ZNF23: variants seen among roughly 807,000 people sequenced by gnomAD.
The protein encoded by ZNF23 is zinc finger protein 23.
Under a neutral mutation model 56.2 loss-of-function variants are expected in ZNF23, and 48 were observed. The ratio of observed to expected loss-of-function variants is 0.85; its 90% CI spans 0.68 to 1.09. The LOEUF is 1.09. ZNF23 is among the 50% of genes least tolerant of loss of function. ZNF23 has a pLI of 0.00. For synonymous variants in ZNF23, 266 were observed against 283.3 expected (o/e 0.94, Z 0.61); for missense variants, 805 against 811.4 (o/e 0.99, Z 0.10).
rs143185002 is a variant in ZNF23 at position 71,448,924 on chromosome 16, T to C, written c.1230A>G (p.Lys410=). The C allele has an allele frequency of 1.1e-4, 180 of 1,613,864 alleles. No homozygotes were observed. The highest frequency in any genetic ancestry group is 1.4e-4 in the Non-Finnish European group (171 of 1,179,978). ...IHTGEKPYQC[K]ECGKGFNNNT... The stretch of plus-strand genomic sequence containing the variant: ...TATTATTGAAGCCTTTTCCACACTC[T>C]TTACACTGATAGGGCTTTTCTCCTG... The change falls in exon 5 of 5, where the codon AAA becomes AAG. Residue 410 remains lysine, a synonymous_variant. Coordinates refer to ENST00000647773, the MANE Select transcript of ZNF23 (RefSeq NM_001381984.1).
chr16:71,453,150 C>A, intron 4 of ZNF23, 93 bp downstream of exon 4: 2 of 849,192 alleles, frequency 2.4e-6, no homozygotes, highest in Non-Finnish European at 3.8e-6. Context: ...GTATGACTGG[C>A]CAATAAACAC....
Position 71,449,587 on chromosome 16 carries a change from C to G in ZNF23, c.567G>C (p.Gly189=). 2 of 1,614,098 alleles carry G rather than the reference C, an allele frequency of 1.2e-6. No individual in the cohort carries two copies. The highest frequency in any genetic ancestry group is 1.7e-6 in the Non-Finnish European group (2 of 1,180,034). The stretch of plus-strand genomic sequence containing the variant: ...GTTTTGTATCAAAGCTGATGGATTT[C>G]CCCAATCCTGTACACCCAGAGGGCT... ...GEQPSGCTGL[G]KSISFDTKLV... is the part of the protein sequence containing the mutation. Residue 189 remains glycine (G), a synonymous_variant, in exon 5 of 5, where the codon GGG becomes GGC. Transcript: ENST00000647773.
chr16:71,450,174 A>T (rs778134757), intron 4 of ZNF23: 6 of 243,636 alleles, frequency 2.5e-5, no homozygotes, highest in Non-Finnish European at 4.7e-5. Flanking sequence ...GTAAAGAAAA[A>T]TATAAAAGAC....
At chr16:71,450,833 C>T (rs2043035420) in intron 4 of ZNF23, 2 of 264,686 alleles carry the variant, frequency 7.6e-6, no homozygotes, top group Non-Finnish European at 1.5e-5. Context: ...CTTAGTTGTT[C>T]CTATAGCACT....
At chr16:71,459,232 C>T (rs1597004537) in intron 1 of ZNF23, among the ~76,000 whole-genome samples, 1 of 152,236 alleles carries the variant, frequency 6.6e-6, no homozygotes, top group South Asian at 2.1e-4. Context: ...AGTGCAGAGG[C>T]ATTAACACCT....
At chr16:71,450,830 G>T (rs1208554297) in intron 4 of ZNF23, 1 of 287,520 alleles carries the variant, frequency 3.5e-6, no homozygotes, top group African/African-American at 2.3e-5. Context: ...CTTCTTAGTT[G>T]TTCCTATAGC....
In ZNF23 at chr16:71,448,411, C is replaced by T. The variant is rs757070525; in HGVS notation, c.1743G>A (p.Glu581=). The part of the protein sequence containing the change: ...GEKPFKCMEC[E]KAFSCSSNYI... Reference sequence around the variant, plus strand: ...AGTTAGAACTACAGCTGAATGCTTTCTCACATTCCATACATTTGAAAGGTT... The same window carrying T: ...AGTTAGAACTACAGCTGAATGCTTTTTCACATTCCATACATTTGAAAGGTT... The change falls in exon 5 of 5, where the codon GAG becomes GAA. Residue 581 remains glutamate (E), a synonymous_variant. Coordinates refer to ENST00000647773, the MANE Select transcript of ZNF23 (RefSeq NM_001381984.1). 2 of 1,614,184 alleles carry T rather than the reference C, an allele frequency of 1.2e-6. No individual in the cohort carries two copies. Among genetic ancestry groups the T allele is most frequent in the Admixed American group, 1.7e-5 (1 of 60,034 alleles).
At chr16:71,457,915 C>T (rs966460004) in intron 1 of ZNF23, among the ~76,000 whole-genome samples, 4 of 152,272 alleles carry the variant, frequency 2.6e-5, no homozygotes, top group African/African-American at 9.6e-5. Context: ...GCTGCAGCCC[C>T]AGTACACAAG....
Position 71,449,153 on chromosome 16 carries a change from C to T in ZNF23, c.1001G>A (p.Cys334Tyr), listed in dbSNP as rs752950041. The T allele has an allele frequency of 6.2e-7, 1 of 1,614,142 alleles. No homozygotes were observed. Among genetic ancestry groups the T allele is most frequent in the Non-Finnish European group, 8.5e-7 (1 of 1,180,032 alleles). Residue 334 changes from cysteine to tyrosine, a missense_variant, in exon 5 of 5, where the codon TGT (cysteine) becomes TAT (tyrosine). Cys to Tyr is a radical substitution (Grantham distance 194). Transcript: ENST00000647773. Reference protein sequence around the residue: ...QCKECGNGFSCSSAYITHQRV... With the variant: ...QCKECGNGFSYSSAYITHQRV... The stretch of plus-strand genomic sequence containing the variant: ...CTGATGTGTAATATATGCAGAACTA[C>T]AGCTGAAGCCATTTCCACATTCCTT...
In ZNF23 at chr16:71,449,063, G is replaced by A. The variant is rs779365751; in HGVS notation, c.1091C>T (p.Ala364Val). Residue 364 changes from alanine to valine, a missense_variant, in exon 5 of 5, where the codon GCA (alanine) becomes GTA (valine). Physicochemically the swap from Ala to Val is moderately conservative, Grantham distance 64 (BLOSUM62 0). Transcript: ENST00000647773. The stretch of plus-strand genomic sequence containing the variant: ...GATTCTCTGATGTTGAATTAATTTT[G>A]CATTAACATTGAACGCTTTCCCACA... ...NDCGKAFNVN[A>V]KLIQHQRIHT... 2.5e-6 allele frequency: 4 copies of A among 1,614,148 alleles called. No individual in the cohort carries two copies. The highest frequency in any genetic ancestry group is 1.7e-5 in the Admixed American group (1 of 60,024).
At chr16:71,457,449 G>T (rs8044304) in intron 1 of ZNF23, among the ~76,000 whole-genome samples, 14,686 of 152,210 alleles carry the variant, frequency 0.096, 2,301 homozygotes, top group African/African-American at 0.33. Flanking sequence ...TGTAGTCCCA[G>T]CTACTCGGGT....
At position 71,447,873 on chromosome 16, in the gene ZNF23, T is replaced by C; in HGVS notation, c.*220A>G. 2.6e-6 allele frequency: 1 copy of C among 389,176 alleles called. No homozygotes were observed. The highest frequency in any genetic ancestry group is 4.5e-6 in the Non-Finnish European group (1 of 221,036). 24.1% of individuals were successfully genotyped at this position (389,176 alleles called of 1,614,324 possible). Reference sequence around the variant, plus strand: ...GCTGCTGGGAACGAAATCTTTTCATTATATTTTCTAATTCCTGTTGGTACA... The same window carrying C: ...GCTGCTGGGAACGAAATCTTTTCATCATATTTTCTAATTCCTGTTGGTACA... On this transcript the variant is annotated 3_prime_UTR_variant, in exon 5 of 5. Coordinates refer to ENST00000647773, the MANE Select transcript of ZNF23 (RefSeq NM_001381984.1).
Position 71,447,935 on chromosome 16 carries a change from T to C in ZNF23, c.*158A>G, listed in dbSNP as rs2042904149. 1 of 508,128 alleles carries C rather than the reference T, an allele frequency of 2.0e-6. No individual in the cohort carries two copies. Among genetic ancestry groups the C allele is most frequent in the Admixed American group, 3.8e-5 (1 of 26,472 alleles). The allele number at this position is 508,128 out of a possible 1,614,324, so 31.5% of individuals were successfully genotyped here. On this transcript the variant is annotated 3_prime_UTR_variant, in exon 5 of 5. Transcript: ENST00000647773. ...TTTTTGGATGTTTCTCTTTAACTGGTCATCCTTTCCTGATTTAAACTGAAT... is the reference window on the plus strand; with the variant it reads ...TTTTTGGATGTTTCTCTTTAACTGGCCATCCTTTCCTGATTTAAACTGAAT...
Position 71,449,185 on chromosome 16 carries a change from A to C in ZNF23, c.969T>G (p.Tyr323Ter). The C allele has an allele frequency of 6.2e-7, 1 of 1,614,122 alleles. No individual in the cohort carries two copies. Among genetic ancestry groups the C allele is most frequent in the Non-Finnish European group, 8.5e-7 (1 of 1,180,024 alleles). Residue 323 changes from tyrosine (Y) to a stop codon, truncating the protein, a stop_gained, in exon 5 of 5, where the codon TAT (tyrosine) becomes TAG (stop). Coordinates refer to ENST00000647773, the MANE Select transcript of ZNF23 (RefSeq NM_001381984.1). LOFTEE classifies it high-confidence loss of function. The stretch of plus-strand genomic sequence containing the variant: ...AGCCATTTCCACATTCCTTGCACTG[A>C]TAGGGCTTCTCTCCCGTATGGATTC... ...HQRIHTGEKPYQCKECGNGFS... is the reference protein window; with the variant it reads ...HQRIHTGEKP
intron 2 of ZNF23, among the ~76,000 whole-genome samples, chr16:71,455,630 T>C (rs1353135196): frequency 6.6e-6 from 1 of 152,106 alleles, no homozygotes; most frequent in Non-Finnish European, 1.5e-5. Flanking sequence ...GTGCTGGGAT[T>C]ACAGGTGTGA....
intron 2 of ZNF23, among the ~76,000 whole-genome samples, chr16:71,455,359 A>AT (rs554544599): frequency 1.5e-3 from 217 of 147,996 alleles, no homozygotes; most frequent in Non-Finnish European, 2.2e-3. Context: ...TGTCCGAAAG[A>AT]TTTTTTTTTT....
At chr16:71,455,520 C>T (rs1420262319) in intron 2 of ZNF23, among the ~76,000 whole-genome samples, 1 of 152,130 alleles carries the variant, frequency 6.6e-6, no homozygotes, top group Non-Finnish European at 1.5e-5. Context: ...TAAAACCCAG[C>T]TAATTTTTCT....
intron 1 of ZNF23, among the ~76,000 whole-genome samples, chr16:71,460,724 A>G (rs1239578275): frequency 2.0e-5 from 3 of 152,244 alleles, no homozygotes; most frequent in Non-Finnish European, 4.4e-5. Flanking sequence ...ACATTAATAA[A>G]TCAAAGAAAG....
rs1046926505 is a variant in ZNF23 at position 71,447,964 on chromosome 16, A to G, written c.*129T>C. ...CCTTTCCTGATTTAAACTGAATAGA[A>G]TAAAAACTGTTTCCATATGAAGACT... is the stretch of plus-strand genomic sequence containing the variant. On this transcript the variant is annotated 3_prime_UTR_variant, in exon 5 of 5. Transcript: ENST00000647773. 1.1e-5 allele frequency: 7 copies of G among 666,340 alleles called. No homozygotes were observed. Among genetic ancestry groups the G allele is most frequent in the Middle Eastern group, 4.1e-4 (1 of 2,410 alleles). The allele number at this position is 666,340 out of a possible 1,614,324, so 41.3% of individuals were successfully genotyped here. A position where few individuals can be genotyped will look rare whatever the true frequency, so the allele number is the denominator to read the frequency against.
Sources: allele counts gnomAD v4.1 joint callset (sites outside exome capture counted in the v4.1 genomes callset), GRCh38; gene constraint gnomAD v4.1.1; transcripts MANE v1.5; gene names NCBI Gene and HGNC (gene_info 2026-07-23, HGNC 2026-07-21).